Variants in DYNC2I2 observed in about 807,000 individuals in gnomAD.
The protein encoded by DYNC2I2 is cytoplasmic dynein 2 intermediate chain 2.
DYNC2I2 carries 39 observed loss-of-function variants against 52.0 expected under a neutral mutation model. The observed-to-expected ratio is 0.75, with a 90% confidence interval of 0.58 to 0.98. DYNC2I2 has a LOEUF of 0.98. DYNC2I2 is among the 50% of genes least tolerant of loss of function. The probability of loss-of-function intolerance (pLI) is 0.00; values close to 1 mark genes in which losing one functional copy is unlikely to be tolerated. For missense variants in DYNC2I2, 743 were observed against 728.4 expected (o/e 1.02, Z -0.23); for synonymous variants, 359 against 321.1 (o/e 1.12, Z -1.26).
Position 128,640,731 on chromosome 9 carries a change from A to G in DYNC2I2, c.395T>C (p.Phe132Ser). 6.2e-7 allele frequency: 1 copy of G among 1,614,178 alleles called. No individual in the cohort carries two copies. Among genetic ancestry groups the G allele is most frequent in the Non-Finnish European group, 8.5e-7 (1 of 1,180,024 alleles). The change falls in exon 2 of 9, where the codon TTT becomes TCT. Residue 132 changes from phenylalanine to serine, a missense_variant. By Grantham distance (155) the Phe-to-Ser change is radical (BLOSUM62 -2). Transcript: ENST00000372715. ...GGTCCAGTTCACCTCGAAGCCATCA[A>G]ACGCGTGGCTCTGCCAATTCTTGTT... ...ELNKNWQSHAFDGFEVNWTEQ... is the reference protein window; with the variant it reads ...ELNKNWQSHASDGFEVNWTEQ...
At chr9:128,646,019 C>T (rs1341992717) in intron 1 of DYNC2I2, among the ~76,000 whole-genome samples, 4 of 152,168 alleles carry the variant, frequency 2.6e-5, no homozygotes, top group Admixed American at 2.6e-4. Flanking sequence ...GGTGAGGAAG[C>T]TGCAGAAGAA....
the DYNC2I2 span, among the ~76,000 whole-genome samples, chr9:128,665,287 G>A: frequency 2.6e-5 from 4 of 151,380 alleles, no homozygotes; most frequent in East Asian, 2.0e-4. Context: ...TCCTGACCTC[G>A]TGTTCCACCC....
Position 128,635,152 on chromosome 9 carries a change from C to A in DYNC2I2, c.921G>T (p.Gln307His). ...LWQGIGVGQL[Q>H]LTEGFALVMQ... ...TGACCAGGGCGAAGCCCTCTGTGAG[C>A]TGCAGCTGGCCTACCCCGATGCCCT... Residue 307 changes from glutamine (Q) to histidine (H), a missense_variant, in exon 6 of 9, where the codon CAG becomes CAT. By Grantham distance (24) the Gln-to-His change is conservative. Transcript: ENST00000372715. 6.2e-7 allele frequency: 1 copy of A among 1,613,476 alleles called. No individual in the cohort carries two copies. Among genetic ancestry groups the A allele is most frequent in the East Asian group, 2.2e-5 (1 of 44,878 alleles).
chr9:128,643,904 C>T (rs188025316), intron 1 of DYNC2I2, among the ~76,000 whole-genome samples: 1 of 152,244 alleles, frequency 6.6e-6, no homozygotes, highest in East Asian at 1.9e-4. Context: ...TCACAAAGCT[C>T]TGGAGAGTTT....
chr9:128,642,058 C>T (rs993306795), intron 1 of DYNC2I2, among the ~76,000 whole-genome samples: 8 of 151,768 alleles, frequency 5.3e-5, no homozygotes, highest in East Asian at 3.9e-4. Context: ...GAGGCCGAGG[C>T]GGGCGGATCA....
In DYNC2I2 at chr9:128,640,779, T is replaced by A. The variant is rs564916494; in HGVS notation, c.347A>T (p.Glu116Val). Residue 116 changes from glutamate to valine, a missense_variant, in exon 2 of 9, where the codon GAG becomes GTG. By Grantham distance (121) the Glu-to-Val change is moderately radical. Coordinates refer to ENST00000372715, the MANE Select transcript of DYNC2I2 (RefSeq NM_052844.4). Reference sequence around the variant, plus strand: ...GTTCAGCTCTCGGATGACCATGGCCTCCACTCTCCGAAGAAAGGCTGCGAG... The same window carrying A: ...GTTCAGCTCTCGGATGACCATGGCCACCACTCTCCGAAGAAAGGCTGCGAG... ...PRLAAFLRRV[E>V]AMVIRELNKN... 35 of 1,614,046 alleles carry A rather than the reference T, an allele frequency of 2.2e-5. No individual in the cohort carries two copies. The highest frequency in any genetic ancestry group is 2.7e-5 in the Non-Finnish European group (32 of 1,180,042).
Position 128,634,314 on chromosome 9 carries a change from C to T in DYNC2I2, c.1284G>A (p.Leu428=), listed in dbSNP as rs1564337809. The T allele has an allele frequency of 1.9e-6, 3 of 1,613,442 alleles. No individual in the cohort carries two copies. The highest frequency in any genetic ancestry group is 3.3e-4 in the Middle Eastern group (2 of 6,052). ...HLYSMLQAPP[L]TSLQLSLKYL... ...ACTTGAGGGAGAGCTGCAGCGAAGT[C>T]AAGGGAGGGGCCTGCAGCATGGAGT... Residue 428 remains leucine (L), a synonymous_variant, in exon 8 of 9, where the codon TTG becomes TTA. Transcript: ENST00000372715.
chr9:128,668,218 C>T, the DYNC2I2 span, among the ~76,000 whole-genome samples: 2 of 144,364 alleles, frequency 1.4e-5, no homozygotes, highest in Non-Finnish European at 3.0e-5. Flanking sequence ...CTTGGCCTCC[C>T]AAAGTGCTGG....
At chr9:128,652,432 CAA>C (rs59498068) in intron 1 of DYNC2I2, among the ~76,000 whole-genome samples, 8,415 of 92,902 alleles carry the variant, frequency 0.091, 687 homozygotes, top group African/African-American at 0.23. Flanking sequence ...AACTTCATCT[CAA>C]AAAAAAAAAA....
At chr9:128,661,387 G>A (rs1860916425), upstream of DYNC2I2, among the ~76,000 whole-genome samples, 4 of 151,692 alleles carry the variant, frequency 2.6e-5, no homozygotes, top group South Asian at 8.3e-4. Context: ...GGGAGGCCGA[G>A]GTGGGCAGAT....
chr9:128,680,058 T>C, the DYNC2I2 span, among the ~76,000 whole-genome samples: 3 of 152,036 alleles, frequency 2.0e-5, no homozygotes, highest in Admixed American at 2.0e-4. Flanking sequence ...CTTTATTTCT[T>C]TCTCTTTTCT....
intron 2 of DYNC2I2, among the ~76,000 whole-genome samples, chr9:128,640,269 C>T (rs189348209): frequency 6.6e-6 from 1 of 152,142 alleles, no homozygotes; most frequent in Non-Finnish European, 1.5e-5. Context: ...CTCGGCCTCC[C>T]AAAGTGCTGG....
chr9:128,649,212 G>A (rs990745595), intron 1 of DYNC2I2, among the ~76,000 whole-genome samples: 1 of 152,088 alleles, frequency 6.6e-6, no homozygotes, highest in Non-Finnish European at 1.5e-5. Flanking sequence ...TTGGGAGGCT[G>A]AGTGGGAGGC....
intron 2 of DYNC2I2, 86 bp from the exon 3 acceptor site, chr9:128,637,113 C>T: frequency 1.1e-6 from 1 of 911,608 alleles, no homozygotes; most frequent in South Asian, 1.4e-5. Context: ...GGCCAGGCCA[C>T]CCTTAGCCCT....
intron 1 of DYNC2I2, among the ~76,000 whole-genome samples, chr9:128,647,507 G>A (rs377059096): frequency 4.6e-5 from 7 of 151,890 alleles, no homozygotes; most frequent in Admixed American, 1.3e-4. Flanking sequence ...AGGCCAAGGC[G>A]GGTGGATCAC....
At chr9:128,654,083 C>G (rs1023015952) in intron 1 of DYNC2I2, among the ~76,000 whole-genome samples, 1 of 152,170 alleles carries the variant, frequency 6.6e-6, no homozygotes, top group Non-Finnish European at 1.5e-5. Context: ...GCCAGTGCAT[C>G]TGAATCATCA....
chr9:128,640,226 G>A (rs1589431554), intron 2 of DYNC2I2, among the ~76,000 whole-genome samples: 1 of 150,076 alleles, frequency 6.7e-6, no homozygotes, highest in East Asian at 2.0e-4. Context: ...TAGCCAGGAT[G>A]GTCTCCATCT....
At chr9:128,683,818 T>G in the DYNC2I2 span, 1 of 1,263,502 alleles carries the variant, frequency 7.9e-7, no homozygotes, top group Non-Finnish European at 1.1e-6. Flanking sequence ...CGCTGGCACC[T>G]GGGGCAGTCT....
At chr9:128,639,653 GT>G (rs994164195) in intron 2 of DYNC2I2, among the ~76,000 whole-genome samples, 2 of 151,022 alleles carry the variant, frequency 1.3e-5, no homozygotes, top group African/African-American at 2.4e-5. Flanking sequence ...ACCTCATACA[GT>G]TTTTTTTTGT....
Sources: gnomAD v4.1 joint callset for allele counts (sites outside exome capture counted in the v4.1 genomes callset) on GRCh38, gnomAD v4.1.1 for gene constraint, MANE v1.5 for transcripts, NCBI Gene and HGNC (gene_info 2026-07-23, HGNC 2026-07-21) for gene names.